Variants in FOXP2 observed in about 807,000 individuals in gnomAD.
FOXP2 encodes the protein forkhead box P2.
In FOXP2, 12 loss-of-function variants were observed where a neutral mutation model predicts 115.8. The ratio of observed to expected loss-of-function variants is 0.10; its 90% CI spans 0.07 to 0.17. The LOEUF (loss-of-function observed/expected upper bound fraction) is 0.17. Among genes scored for constraint, FOXP2 ranks in the 10% least tolerant of loss-of-function variants. The pLI is 1.00. For synonymous variants in FOXP2, 328 were observed against 297.7 expected, an observed-to-expected ratio of 1.10 and a Z score of -1.05; for missense variants, 629 against 843.5, an observed-to-expected ratio of 0.75 and a Z score of 3.15.
chr7:114,431,905 T>G (rs1017825147), intron 2 of FOXP2, among the ~76,000 whole-genome samples: 4 of 151,942 alleles, frequency 2.6e-5, no homozygotes, highest in African/African-American at 7.2e-5. Flanking sequence ...TATACTTATC[T>G]TGTCATTTAT....
chr7:114,431,490 G>C (rs1794108990), intron 2 of FOXP2, among the ~76,000 whole-genome samples: 1 of 151,890 alleles, frequency 6.6e-6, no homozygotes, highest in Non-Finnish European at 1.5e-5. Context: ...TTAGGGAGTA[G>C]GTACCTGCAA....
At chr7:114,445,391 T>C (rs890936438) in intron 2 of FOXP2, among the ~76,000 whole-genome samples, 2 of 152,198 alleles carry the variant, frequency 1.3e-5, no homozygotes, top group African/African-American at 4.8e-5. Context: ...AAGACATAAA[T>C]TGGCCCTCAA....
At chr7:114,156,876 G>A (rs1486829439) in intron 1 of FOXP2, among the ~76,000 whole-genome samples, 2 of 152,012 alleles carry the variant, frequency 1.3e-5, no homozygotes, top group South Asian at 2.1e-4. Context: ...AAATTTTAAT[G>A]TTGACTTAGA....
chr7:114,492,203 G>C (rs1397922211), intron 2 of FOXP2, among the ~76,000 whole-genome samples: 1 of 152,134 alleles, frequency 6.6e-6, no homozygotes, highest in Non-Finnish European at 1.5e-5. Flanking sequence ...TTGCGTAGAG[G>C]TGTTTATAGT....
chr7:114,149,751 G>T (rs1490684787), intron 1 of FOXP2, among the ~76,000 whole-genome samples: 1 of 152,124 alleles, frequency 6.6e-6, no homozygotes, highest in African/African-American at 2.4e-5. Flanking sequence ...GTTAAAATAA[G>T]TAAAAAGTAA....
chr7:114,149,387 G>T (rs1792469575), intron 1 of FOXP2, among the ~76,000 whole-genome samples: 1 of 151,892 alleles, frequency 6.6e-6, no homozygotes, highest in Non-Finnish European at 1.5e-5. Context: ...ATTAGCATAA[G>T]TTTTCCATAT....
At chr7:114,590,830 G>A (rs1455812295) in intron 3 of FOXP2, among the ~76,000 whole-genome samples, 1 of 151,994 alleles carries the variant, frequency 6.6e-6, no homozygotes, top group East Asian at 1.9e-4. Context: ...TGGACAAAGA[G>A]GGGAAAAATC....
intron 2 of FOXP2, among the ~76,000 whole-genome samples, chr7:114,469,750 G>T (rs2129229578): frequency 6.6e-6 from 1 of 151,966 alleles, no homozygotes; most frequent in Non-Finnish European, 1.5e-5. Context: ...GTATGTCAAA[G>T]GAAAATATTT....
chr7:114,177,157 A>T (rs1283987345), intron 1 of FOXP2, among the ~76,000 whole-genome samples: 1 of 152,108 alleles, frequency 6.6e-6, no homozygotes, highest in African/African-American at 2.4e-5. Context: ...TGCTCTGAAG[A>T]TTATTGTACA....
At chr7:114,587,882 T>TAAG (rs1401649414) in intron 3 of FOXP2, among the ~76,000 whole-genome samples, 2 of 61,372 alleles carry the variant, frequency 3.3e-5, no homozygotes, top group African/African-American at 4.2e-5. Flanking sequence ...GATAATTAAA[T>TAAG]CCACCTTTCT....
chr7:114,413,223 A>C (rs773764898), upstream of FOXP2, among the ~76,000 whole-genome samples: 1 of 152,120 alleles, frequency 6.6e-6, no homozygotes, highest in Non-Finnish European at 1.5e-5. Context: ...CATTATTCAC[A>C]GTTTCTTTGA....
In FOXP2 at chr7:114,463,065, G is replaced by T. The variant is rs185240672; in HGVS notation, c.168+36386G>T. The stretch of plus-strand genomic sequence containing the variant: ...TTTTTTAGAGACAGGGTCTTGTTCT[G>T]TTTCCCAGGCTGGAGTGCAGTGGTG... On this transcript the variant is annotated intron_variant, in intron 2 of 16. Transcript: ENST00000350908. 1.0e-3 allele frequency: 451 copies of T among 432,892 alleles called. 3 individuals are homozygous for T. Among genetic ancestry groups the T allele is most frequent in the African/African-American group, 8.7e-3 (421 of 48,662 alleles). The allele number at this position is 432,892 out of a possible 1,614,324, so 26.8% of individuals were successfully genotyped here.
intron 1 of FOXP2, among the ~76,000 whole-genome samples, chr7:114,172,307 A>AAAAGGCAAAAGTAAAACTT (rs1418650568): frequency 3.3e-5 from 5 of 152,190 alleles, no homozygotes; most frequent in African/African-American, 1.2e-4. Context: ...GACATTCTGT[A>AAAAGGCAAAAGTAAAACTT]AAAGGCAAAA....
At chr7:114,491,946 C>G (rs925871029) in intron 2 of FOXP2, among the ~76,000 whole-genome samples, 15 of 152,088 alleles carry the variant, frequency 9.9e-5, no homozygotes, top group Admixed American at 2.6e-4. Context: ...AGGGAGGATT[C>G]CCTCTTTTTC....
chr7:114,444,543 C>A (rs531181560), intron 2 of FOXP2, among the ~76,000 whole-genome samples: 3 of 152,240 alleles, frequency 2.0e-5, no homozygotes, highest in African/African-American at 7.2e-5. Flanking sequence ...CTCACTAGTA[C>A]AGCTTTATTA....
At chr7:114,346,873 T>G (rs1349088696) in intron 2 of FOXP2, among the ~76,000 whole-genome samples, 5 of 151,750 alleles carry the variant, frequency 3.3e-5, no homozygotes, top group African/African-American at 7.3e-5. Context: ...GGTGTTCTAT[T>G]GTACTGTAGG....
chr7:114,126,260 G>C (rs911078653), intron 1 of FOXP2, among the ~76,000 whole-genome samples: 6 of 151,694 alleles, frequency 4.0e-5, no homozygotes, highest in Non-Finnish European at 5.9e-5. Context: ...ATGCCTACTA[G>C]GTTTATTTAT....
intron 2 of FOXP2, among the ~76,000 whole-genome samples, chr7:114,397,096 GATAAA>G (rs748923605): frequency 6.6e-6 from 1 of 151,796 alleles, no homozygotes; most frequent in Non-Finnish European, 1.5e-5. Flanking sequence ...TTGGAAAGAA[GATAAA>G]ATAAATGAAT....
intron 1 of FOXP2, among the ~76,000 whole-genome samples, chr7:114,176,770 A>C (rs1793326520): frequency 6.6e-6 from 1 of 151,530 alleles, no homozygotes; most frequent in African/African-American, 2.4e-5. Flanking sequence ...GAATGAACAC[A>C]CTTGTGTAAC....
Sources: allele counts gnomAD v4.1 joint callset (sites outside exome capture counted in the v4.1 genomes callset), GRCh38; gene constraint gnomAD v4.1.1; transcripts MANE v1.5; gene names NCBI Gene and HGNC (gene_info 2026-07-23, HGNC 2026-07-21).